Variants in GPC5 observed in about 807,000 individuals in gnomAD.
GPC5 encodes glypican-5.
GPC5 carries 47 observed loss-of-function variants against 53.9 expected under a neutral mutation model. The ratio of observed to expected loss-of-function variants is 0.87; its 90% CI spans 0.69 to 1.11. The LOEUF (loss-of-function observed/expected upper bound fraction) is 1.11, where lower values mean the gene tolerates loss of function less well. GPC5 is among the 50% of genes most tolerant of loss of function. The pLI is 0.00. For missense variants in GPC5, 748 were observed against 713.1 expected (o/e 1.05, Z -0.56); for synonymous variants, 286 against 263.3 (o/e 1.09, Z -0.84).
chr13:91,615,006 T>C (rs7982676), intron 2 of GPC5, among the ~76,000 whole-genome samples: 151,904 of 152,270 alleles, frequency 1, 75,770 homozygotes, highest in Middle Eastern at 1. Context: ...TATATTTATC[T>C]ATCTTTCCAT....
Position 91,636,532 on chromosome 13 carries a change from G to A in GPC5, c.326-56655G>A, listed in dbSNP as rs1015266547. 3.9e-5 allele frequency among the ~76,000 whole-genome samples: 6 copies of A among 152,208 alleles called. No individual in the cohort carries two copies. In the East Asian group the frequency reaches 9.7e-4, roughly 25 times the overall value. On this transcript the variant is annotated intron_variant, in intron 2 of 7. Transcript: ENST00000377067. ...GTCCTGTGATTACAGTAGACTTATA[G>A]TGGCATTTTATAGCCATGGATATAC...
chr13:91,460,294 T>C (rs1366985628), intron 2 of GPC5, among the ~76,000 whole-genome samples: 2 of 151,352 alleles, frequency 1.3e-5, no homozygotes, highest in Non-Finnish European at 2.9e-5. Context: ...TATCTCTTTG[T>C]TGTCTTTTTT....
intron 1 of GPC5, among the ~76,000 whole-genome samples, chr13:91,399,909 G>T (rs1876801431): frequency 6.6e-6 from 1 of 152,184 alleles, no homozygotes. Context: ...TGGATGAGAT[G>T]TACCAGCGTT....
intron 7 of GPC5, among the ~76,000 whole-genome samples, chr13:92,601,554 C>CAAAAAAAAAAAAAAAAAAAAAAAAAA (rs57333686): frequency 4.5e-5 from 3 of 67,402 alleles, no homozygotes; most frequent in Admixed American, 2.0e-4. Context: ...GACTCCATCT[C>CAAAAAAAAAAAAAAAAAAAAAAAAAA]AAAAAAAAAA....
At chr13:92,227,780 T>C (rs927048804) in intron 7 of GPC5, among the ~76,000 whole-genome samples, 1 of 152,074 alleles carries the variant, frequency 6.6e-6, no homozygotes, top group African/African-American at 2.4e-5. Context: ...GGCTAATAAT[T>C]GTATATACTT....
chr13:92,823,969 AT>A (rs1877759384), intron 7 of GPC5, among the ~76,000 whole-genome samples: 1 of 151,712 alleles, frequency 6.6e-6, no homozygotes, highest in African/African-American at 2.4e-5. Context: ...TTTACTGATG[AT>A]TTGTTTTTCT....
chr13:92,020,813 A>G (rs2040751590), intron 6 of GPC5, among the ~76,000 whole-genome samples: 1 of 151,002 alleles, frequency 6.6e-6, no homozygotes, highest in Non-Finnish European at 1.5e-5. Flanking sequence ...TGCTTCCTCT[A>G]CTGTAAAGAA....
At chr13:92,615,607 G>A (rs1356033879) in intron 7 of GPC5, among the ~76,000 whole-genome samples, 2 of 152,190 alleles carry the variant, frequency 1.3e-5, no homozygotes, top group East Asian at 3.9e-4. Flanking sequence ...TTACCAAATT[G>A]TGTTCTTTAG....
chr13:91,766,230 G>T (rs538414121), intron 5 of GPC5, among the ~76,000 whole-genome samples: 2 of 152,230 alleles, frequency 1.3e-5, no homozygotes, highest in South Asian at 2.1e-4. Flanking sequence ...GCAAGAAAGC[G>T]AGTGGGAGCA....
At chr13:91,673,657 C>T (rs141339428) in intron 2 of GPC5, among the ~76,000 whole-genome samples, 178 of 152,188 alleles carry the variant, frequency 1.2e-3, no homozygotes, top group African/African-American at 4.1e-3. Flanking sequence ...CCCATTACTC[C>T]ATGTCAGTGC....
At chr13:92,087,878 C>T (rs1386046112) in intron 6 of GPC5, among the ~76,000 whole-genome samples, 3 of 151,972 alleles carry the variant, frequency 2.0e-5, no homozygotes, top group Non-Finnish European at 4.4e-5. Context: ...CTCCAGTGGG[C>T]CATTTTATCT....
chr13:92,580,104 C>A (rs1883325492), intron 7 of GPC5, among the ~76,000 whole-genome samples: 1 of 152,160 alleles, frequency 6.6e-6, no homozygotes, highest in Non-Finnish European at 1.5e-5. Flanking sequence ...CTGTGTGCAA[C>A]CTTTGTTAAG....
At chr13:92,017,216 T>C (rs1157076926) in intron 6 of GPC5, among the ~76,000 whole-genome samples, 1 of 152,174 alleles carries the variant, frequency 6.6e-6, no homozygotes, top group Non-Finnish European at 1.5e-5. Context: ...ACCAACTCAT[T>C]ACAACCTGGT....
At chr13:92,200,720 C>G (rs1176126467) in intron 7 of GPC5, among the ~76,000 whole-genome samples, 1 of 152,172 alleles carries the variant, frequency 6.6e-6, no homozygotes, top group Non-Finnish European at 1.5e-5. Context: ...TCGATTGGAT[C>G]ATGTGCCCAA....
At chr13:92,069,077 T>C (rs960339918) in intron 6 of GPC5, among the ~76,000 whole-genome samples, 3 of 152,094 alleles carry the variant, frequency 2.0e-5, no homozygotes, top group African/African-American at 7.2e-5. Flanking sequence ...CGTTTATTTG[T>C]ATGCATATGT....
At chr13:91,561,613 G>A (rs1171034389) in intron 2 of GPC5, among the ~76,000 whole-genome samples, 2 of 149,922 alleles carry the variant, frequency 1.3e-5, no homozygotes, top group East Asian at 2.0e-4. Flanking sequence ...TTTCTATATA[G>A]CTATGAGCCT....
intron 7 of GPC5, among the ~76,000 whole-genome samples, chr13:92,344,455 C>T (rs2043393362): frequency 6.6e-6 from 1 of 152,182 alleles, no homozygotes; most frequent in African/African-American, 2.4e-5. Context: ...ATTAGAAGGC[C>T]ACCCTGCAGA....
intron 7 of GPC5, among the ~76,000 whole-genome samples, chr13:92,378,924 G>C (rs1171813839): frequency 6.6e-6 from 1 of 152,108 alleles, no homozygotes; most frequent in Admixed American, 6.5e-5. Flanking sequence ...CCATATAATA[G>C]AACTGCCAGT....
chr13:91,989,049 A>G (rs2040434082), intron 6 of GPC5, among the ~76,000 whole-genome samples: 1 of 152,096 alleles, frequency 6.6e-6, no homozygotes, highest in African/African-American at 2.4e-5. Context: ...AAAAGCAAAA[A>G]TGCAGTCAAG....
Sources: gnomAD v4.1 joint callset for allele counts (sites outside exome capture counted in the v4.1 genomes callset) on GRCh38, gnomAD v4.1.1 for gene constraint, MANE v1.5 for transcripts, NCBI Gene and HGNC (gene_info 2026-07-23, HGNC 2026-07-21) for gene names.